Variants in CNTN4 observed in about 807,000 individuals in gnomAD.
CNTN4 encodes contactin-4.
In CNTN4, 77 loss-of-function variants were observed where a neutral mutation model predicts 122.5. That is an observed-to-expected ratio of 0.63 (90% CI 0.52 to 0.76). The LOEUF is 0.76. CNTN4 is among the 30% of genes least tolerant of loss of function. The pLI is 0.00. For synonymous variants in CNTN4, 512 were observed against 447.0 expected (o/e 1.15, Z -1.83); for missense variants, 1,256 against 1,259.1 (o/e 1.00, Z 0.04).
intron 4 of CNTN4, among the ~76,000 whole-genome samples, chr3:2,619,490 T>C (rs536134118): frequency 6.6e-6 from 1 of 152,362 alleles, no homozygotes; most frequent in East Asian, 1.9e-4. Context: ...TGTATATACC[T>C]TTATTTTGTG....
At chr3:2,787,595 T>C (rs979847551) in intron 6 of CNTN4, among the ~76,000 whole-genome samples, 1 of 152,160 alleles carries the variant, frequency 6.6e-6, no homozygotes, top group Non-Finnish European at 1.5e-5. Context: ...TTTTCTGGAA[T>C]TGGATTCCCT....
At chr3:2,936,130 T>G (rs12497311) in intron 13 of CNTN4, among the ~76,000 whole-genome samples, 101,299 of 152,006 alleles carry the variant, frequency 0.67, 34,210 homozygotes, top group Middle Eastern at 0.85. Context: ...ACACTTCCTT[T>G]TAAGTTATCT....
chr3:2,197,050 GAAA>G lies in CNTN4; in HGVS notation c.-145+96429_-145+96431del, dbSNP rs756328918. On this transcript the variant is annotated intron_variant, in intron 2 of 24. Coordinates refer to ENST00000418658, the MANE Select transcript of CNTN4 (RefSeq NM_175607.3). ...ACAAGAGCGAAACTCGGTCTCACCA[GAAA>G]AAAAAAAAAAAAAAAAAGAAGAAGA... is the stretch of plus-strand genomic sequence containing the variant. Among the ~76,000 whole-genome samples the G allele has an allele frequency of 2.9e-4, 25 of 87,126 alleles. 1 individual carries two copies. The highest frequency in any genetic ancestry group is 4.5e-4 in the Non-Finnish European group (18 of 40,038). 57.2% of individuals were successfully genotyped at this position (87,126 alleles called of 152,430 possible).
intron 14 of CNTN4, among the ~76,000 whole-genome samples, chr3:3,022,049 A>T (rs1212321549): frequency 6.6e-6 from 1 of 150,902 alleles, no homozygotes; most frequent in South Asian, 2.1e-4. Flanking sequence ...ACATGGCAAA[A>T]ACCCTGCCTC....
At chr3:2,969,025 A>G (rs1209054451) in intron 13 of CNTN4, among the ~76,000 whole-genome samples, 1 of 151,608 alleles carries the variant, frequency 6.6e-6, no homozygotes, top group African/African-American at 2.4e-5. Flanking sequence ...GTACAACGCA[A>G]TGATTTTTAG....
intron 2 of CNTN4, among the ~76,000 whole-genome samples, chr3:2,209,282 A>T (rs2038500727): frequency 6.6e-6 from 1 of 152,210 alleles, no homozygotes; most frequent in Non-Finnish European, 1.5e-5. Context: ...ATGAGTGGGC[A>T]CTGGGAGAGG....
chr3:2,125,857 T>A (rs1439675830), intron 2 of CNTN4, among the ~76,000 whole-genome samples: 2 of 151,674 alleles, frequency 1.3e-5, no homozygotes, highest in South Asian at 4.2e-4. Flanking sequence ...CACCAGGCCT[T>A]CTATGAAGAT....
chr3:2,610,799 G>A (rs768171962), intron 4 of CNTN4, among the ~76,000 whole-genome samples: 3 of 152,120 alleles, frequency 2.0e-5, no homozygotes, highest in Non-Finnish European at 1.5e-5. Flanking sequence ...TTTTCAGAGT[G>A]TATTGTCTGA....
intron 6 of CNTN4, among the ~76,000 whole-genome samples, chr3:2,800,008 C>A (rs977336761): frequency 6.6e-6 from 1 of 150,446 alleles, no homozygotes; most frequent in South Asian, 2.1e-4. Context: ...ATTTTTATAC[C>A]AGTTCCATGC....
At chr3:2,106,719 T>C (rs999052154) in intron 2 of CNTN4, among the ~76,000 whole-genome samples, 1 of 152,218 alleles carries the variant, frequency 6.6e-6, no homozygotes, top group Non-Finnish European at 1.5e-5. Flanking sequence ...GTTTTCCCCA[T>C]TGTCCTGGCT....
chr3:2,831,022 T>C (rs117880579), intron 7 of CNTN4, among the ~76,000 whole-genome samples: 2 of 152,298 alleles, frequency 1.3e-5, no homozygotes, highest in East Asian at 1.9e-4. Context: ...TAGGCACAAA[T>C]AAGAAGTTGT....
At position 2,244,871 on chromosome 3, in the gene CNTN4, G is replaced by A. The variant is rs1419045094; in HGVS notation, c.-144-94307G>A. ...ATCTGAAAATGCTGTAATGGTCTAT[G>A]AAAATACTTTTAGAGCTAGTAAATG... On this transcript the variant is annotated intron_variant, in intron 2 of 24. Coordinates refer to ENST00000418658, the MANE Select transcript of CNTN4 (RefSeq NM_175607.3). 2.0e-5 allele frequency among the ~76,000 whole-genome samples: 3 copies of A among 152,116 alleles called. No individual in the cohort carries two copies. In the East Asian group the frequency reaches 5.8e-4, roughly 29 times the overall value.
At chr3:2,949,971 A>G (rs1345061801) in intron 13 of CNTN4, among the ~76,000 whole-genome samples, 1 of 152,246 alleles carries the variant, frequency 6.6e-6, no homozygotes, top group Non-Finnish European at 1.5e-5. Context: ...TCCCATTTGA[A>G]TAAAACAACT....
At chr3:2,658,620 C>T (rs1043980459) in intron 4 of CNTN4, among the ~76,000 whole-genome samples, 87 of 152,202 alleles carry the variant, frequency 5.7e-4, no homozygotes, top group African/African-American at 1.9e-3. Flanking sequence ...CCTTAAATAC[C>T]CAAACCATGA....
At chr3:3,039,928 G>A (rs1699993302) in intron 19 of CNTN4, 109 bp from the exon 20 acceptor site, 1 of 778,544 alleles carries the variant, frequency 1.3e-6, no homozygotes, top group South Asian at 1.4e-5. Context: ...CGCCAAATAA[G>A]ATGGGTGGAG....
At chr3:2,484,921 G>C (rs2076106072) in intron 3 of CNTN4, among the ~76,000 whole-genome samples, 1 of 152,200 alleles carries the variant, frequency 6.6e-6, no homozygotes, top group African/African-American at 2.4e-5. Flanking sequence ...GAGAGGCACG[G>C]GCGGGAGCCA....
intron 2 of CNTN4, among the ~76,000 whole-genome samples, chr3:2,290,818 G>A (rs1047064756): frequency 3.3e-5 from 5 of 152,068 alleles, no homozygotes; most frequent in African/African-American, 4.8e-5. Flanking sequence ...TAAATCTGAT[G>A]AGAGGAAAAA....
chr3:2,709,049 C>G lies in CNTN4; in HGVS notation c.56-27166C>G, dbSNP rs748678922. Among the ~76,000 whole-genome samples the G allele has an allele frequency of 4.7e-4, 72 of 152,204 alleles. No homozygotes were observed. The highest frequency in any genetic ancestry group is 9.1e-4 in the Non-Finnish European group (62 of 68,018). ...ACATGATATATCTCTTCTCAGATAT[C>G]TCATAGACCATCCCCCCTCTGCTGC... On this transcript the variant is annotated intron_variant, in intron 4 of 24. Transcript: ENST00000418658. This position sits in a 1 kb window ranked among gnomAD's most constrained non-coding sequence, Gnocchi z 5.0.
chr3:2,584,159 A>C (rs1255574369), intron 4 of CNTN4, among the ~76,000 whole-genome samples: 2 of 152,310 alleles, frequency 1.3e-5, no homozygotes, highest in South Asian at 2.1e-4. Context: ...TAATAACAAA[A>C]GGCCATGGCC....
Sources: allele counts gnomAD v4.1 joint callset (sites outside exome capture counted in the v4.1 genomes callset), GRCh38; gene constraint gnomAD v4.1.1; non-coding constraint Gnocchi (gnomAD v3.1); transcripts MANE v1.5; gene names NCBI Gene and HGNC (gene_info 2026-07-23, HGNC 2026-07-21).